PCDHA4: variants seen among roughly 807,000 people sequenced by gnomAD.
PCDHA4 encodes the protein protocadherin alpha 4, also known as protocadherin alpha-4.
A neutral mutation model predicts 61.4 loss-of-function variants in PCDHA4; 49 were observed. The observed-to-expected ratio is 0.80, with a 90% CI of 0.63 to 1.01. PCDHA4 has a LOEUF of 1.01. Ranked by LOEUF, PCDHA4 falls within the 50% of genes least tolerant of loss-of-function variation. PCDHA4 has a pLI of 0.00. For missense variants in PCDHA4, 1,254 were observed against 1,235.8 expected (o/e 1.01, Z -0.22); for synonymous variants, 590 against 550.3 (o/e 1.07, Z -1.01).
intron 3 of PCDHA4, among the ~76,000 whole-genome samples, chr5:140,992,482 G>A (rs1187706188): frequency 6.6e-6 from 1 of 152,164 alleles, no homozygotes; most frequent in Non-Finnish European, 1.5e-5. Flanking sequence ...TCACCCAGAG[G>A]CCAATCTGTA....
intron 1 of PCDHA4, chr5:140,856,278 A>G (rs1428005980): frequency 4.4e-6 from 7 of 1,598,190 alleles, no homozygotes; most frequent in Non-Finnish European, 6.0e-6. Context: ...CTGGAGGTAA[A>G]TCTGCAGAAT....
At chr5:140,977,661 CTGCA>C (rs1554238727) in intron 1 of PCDHA4, among the ~76,000 whole-genome samples, 1 of 152,168 alleles carries the variant, frequency 6.6e-6, no homozygotes, top group Non-Finnish European at 1.5e-5. Flanking sequence ...GGCTAATTCT[CTGCA>C]TGCCAAATAT....
chr5:140,914,262 G>A (rs1583899691), intron 1 of PCDHA4, among the ~76,000 whole-genome samples: 1 of 152,008 alleles, frequency 6.6e-6, no homozygotes, highest in Non-Finnish European at 1.5e-5. Flanking sequence ...CTTCAATGGT[G>A]GGTGCATATA....
intron 1 of PCDHA4, among the ~76,000 whole-genome samples, chr5:140,832,776 C>T (rs1336330219): frequency 4.6e-5 from 7 of 152,078 alleles, no homozygotes; most frequent in African/African-American, 1.7e-4. Flanking sequence ...GTAAGAGGTG[C>T]TAGAAAGGTA....
intron 1 of PCDHA4, among the ~76,000 whole-genome samples, chr5:140,890,239 C>G (rs1398307605): frequency 6.6e-6 from 1 of 151,982 alleles, no homozygotes; most frequent in African/African-American, 2.4e-5. Context: ...AAGCATTTAC[C>G]AGTACACTAC....
At chr5:140,858,424 C>A in intron 1 of PCDHA4, 1 of 1,553,410 alleles carries the variant, frequency 6.4e-7, no homozygotes, top group Non-Finnish European at 8.8e-7. Flanking sequence ...TTGGAGGGGA[C>A]CACTCTAGGA....
intron 1 of PCDHA4, among the ~76,000 whole-genome samples, chr5:140,940,000 G>A (rs1442780881): frequency 6.6e-6 from 1 of 152,080 alleles, no homozygotes; most frequent in Non-Finnish European, 1.5e-5. Context: ...CTTGGATTTT[G>A]TCAATTTTTT....
chr5:140,863,178 C>G (rs1420894530), intron 1 of PCDHA4: 3 of 736,630 alleles, frequency 4.1e-6, no homozygotes, highest in African/African-American at 3.6e-5. Flanking sequence ...TGACTGCCAC[C>G]GTCACCGTGG....
intron 1 of PCDHA4, chr5:140,868,353 A>T (rs1303376076): frequency 6.6e-6 from 1 of 152,174 alleles, no homozygotes; most frequent in Non-Finnish European, 1.5e-5. Flanking sequence ...ATCAGAAAGC[A>T]ATTAAATGTA....
chr5:140,852,584 T>G, intron 1 of PCDHA4: 1 of 824,250 alleles, frequency 1.2e-6, no homozygotes, highest in Non-Finnish European at 1.5e-6. Flanking sequence ...GCTTTTTTAT[T>G]TTTTTTTTTT....
intron 1 of PCDHA4, chr5:140,868,465 T>A (rs1460620913): frequency 6.6e-6 from 1 of 152,416 alleles, no homozygotes; most frequent in Non-Finnish European, 1.5e-5. Context: ...AGAGCTGCTT[T>A]TATAAAACTT....
At chr5:140,871,609 A>G (rs1554165776) in intron 1 of PCDHA4, 1 of 1,428,296 alleles carries the variant, frequency 7.0e-7, no homozygotes, top group East Asian at 2.5e-5. Flanking sequence ...TGTTTTGAAT[A>G]TTGTTTTAGA....
At chr5:141,005,978 G>C (rs1226619772) in intron 3 of PCDHA4, among the ~76,000 whole-genome samples, 2 of 151,936 alleles carry the variant, frequency 1.3e-5, no homozygotes, top group African/African-American at 4.8e-5. Context: ...CAATTCCAAA[G>C]AGTGTTTGAG....
intron 3 of PCDHA4, among the ~76,000 whole-genome samples, chr5:141,001,681 A>G (rs2153971146): frequency 6.6e-6 from 1 of 151,672 alleles, no homozygotes; most frequent in East Asian, 2.0e-4. Context: ...GGTCCAACAA[A>G]CCCCACAGAT....
chr5:140,976,841 A>G lies in PCDHA4; in HGVS notation c.2386-2108A>G, dbSNP rs145977857. Among the ~76,000 whole-genome samples the G allele has an allele frequency of 1.2e-3, 190 of 152,338 alleles. 1 individual carries two copies. Among genetic ancestry groups the G allele is most frequent in the African/African-American group, 4.3e-3 (178 of 41,578 alleles). ...GTGTCTAATGAGCAAAACAGATATA[A>G]TCCCTTTCATAGAGTTTACTGTCTG... On this transcript the variant is annotated intron_variant, in intron 1 of 3. Coordinates refer to ENST00000530339, the MANE Select transcript of PCDHA4 (RefSeq NM_018907.4).
chr5:140,808,463 A>G lies in PCDHA4; in HGVS notation c.1276A>G (p.Thr426Ala). The G allele has an allele frequency of 6.2e-7, 1 of 1,614,166 alleles. No homozygotes were observed. The highest frequency in any genetic ancestry group is 8.5e-7 in the Non-Finnish European group (1 of 1,180,044). ...CGTGTCAGCCTATGAGCTGGTGGTG[A>G]CCGCGCGAGACGGGGGCTCGCCTTC... ...ESVSAYELVV[T>A]ARDGGSPSLW... is the part of the protein sequence containing the mutation. The change falls in exon 1 of 4, where the codon ACC (threonine) becomes GCC (alanine). Residue 426 changes from threonine (T) to alanine (A), a missense_variant. Coordinates refer to ENST00000530339, the MANE Select transcript of PCDHA4 (RefSeq NM_018907.4).
Position 140,857,922 on chromosome 5 carries a change from T to C in PCDHA4, c.2385+48350T>C, listed in dbSNP as rs782519535. On this transcript the variant is annotated intron_variant, in intron 1 of 3. Coordinates refer to ENST00000530339, the MANE Select transcript of PCDHA4 (RefSeq NM_018907.4). Reference sequence around the variant, plus strand: ...GCACGCATCCCGTTTCGCGTGGGGCTGTACACGGGCGAGATCAGTACGACG... The same window carrying C: ...GCACGCATCCCGTTTCGCGTGGGGCCGTACACGGGCGAGATCAGTACGACG... The C allele has an allele frequency of 1.9e-6, 3 of 1,597,722 alleles. No homozygotes were observed. The South Asian group carries it at 3.3e-5, about 18-fold the overall frequency.
At chr5:140,968,612 C>A (rs782101758) in intron 1 of PCDHA4, 2 of 1,614,204 alleles carry the variant, frequency 1.2e-6, no homozygotes, top group East Asian at 2.2e-5. Flanking sequence ...AGACTCTGGG[C>A]AAAATGCTTG....
chr5:140,915,513 A>T (rs2077156707), intron 1 of PCDHA4, among the ~76,000 whole-genome samples: 2 of 152,124 alleles, frequency 1.3e-5, no homozygotes, highest in African/African-American at 2.4e-5. Context: ...GTTTTTGCAG[A>T]CTAGTAGAGG....
Sources: allele counts gnomAD v4.1 joint callset (sites outside exome capture counted in the v4.1 genomes callset), GRCh38; gene constraint gnomAD v4.1.1; transcripts MANE v1.5; gene names NCBI Gene and HGNC (gene_info 2026-07-23, HGNC 2026-07-21).